CENPW: variants seen among roughly 807,000 people sequenced by gnomAD.
The protein encoded by CENPW is centromere protein W.
Under a neutral mutation model 11.1 loss-of-function variants are expected in CENPW, and 3 were observed. The ratio of observed to expected loss-of-function variants is 0.27; its 90% CI spans 0.12 to 0.70. The LOEUF is 0.70. Ranked by LOEUF, CENPW falls within the 30% of genes least tolerant of loss-of-function variation. The pLI, the probability that CENPW is intolerant of heterozygous loss-of-function variation, is 0.77. For missense variants in CENPW, 100 were observed against 105.6 expected (o/e 0.95, Z 0.23); for synonymous variants, 38 against 42.0 (o/e 0.91, Z 0.37).
the CENPW span, among the ~76,000 whole-genome samples, chr6:126,381,027 C>T: frequency 1.2e-4 from 19 of 152,248 alleles, no homozygotes; most frequent in African/African-American, 3.6e-4. Context: ...TCACTCTCAA[C>T]GTTTGATCAA....
chr6:126,398,923 G>A, the CENPW span, among the ~76,000 whole-genome samples: 5 of 151,672 alleles, frequency 3.3e-5, no homozygotes, highest in Non-Finnish European at 5.9e-5. Flanking sequence ...ATTTGATTCC[G>A]TTCCTGTGTT....
chr6:126,451,306 G>A, the CENPW span, among the ~76,000 whole-genome samples: 1 of 150,822 alleles, frequency 6.6e-6, no homozygotes, highest in South Asian at 2.1e-4. Context: ...TGAAATATTA[G>A]CAAGCAGAGT....
intron 1 of CENPW, among the ~76,000 whole-genome samples, chr6:126,343,077 G>A (rs1194646027): frequency 6.6e-6 from 1 of 152,164 alleles, no homozygotes; most frequent in Non-Finnish European, 1.5e-5. Flanking sequence ...GACAAAGGGA[G>A]GAGAAAGTCA....
At chr6:126,422,471 G>A in the CENPW span, among the ~76,000 whole-genome samples, 67 of 152,002 alleles carry the variant, frequency 4.4e-4, 3 homozygotes, top group South Asian at 2.1e-4. Flanking sequence ...CTCACGTGGC[G>A]TTTTCATTAT....
At chr6:126,398,104 A>G in the CENPW span, among the ~76,000 whole-genome samples, 2 of 152,206 alleles carry the variant, frequency 1.3e-5, no homozygotes, top group African/African-American at 4.8e-5. Context: ...TGCAGACATA[A>G]CTACCAATAG....
the CENPW span, among the ~76,000 whole-genome samples, chr6:126,406,140 CTTG>C: frequency 3.9e-5 from 6 of 152,156 alleles, no homozygotes; most frequent in African/African-American, 7.2e-5. Context: ...CTATACATAA[CTTG>C]TTGAGTGTTT....
the CENPW span, among the ~76,000 whole-genome samples, chr6:126,368,524 T>A: frequency 6.6e-6 from 1 of 151,980 alleles, no homozygotes; most frequent in Non-Finnish European, 1.5e-5. Flanking sequence ...ATTAGGACTT[T>A]TTTTTTTTTC....
the CENPW span, among the ~76,000 whole-genome samples, chr6:126,428,064 C>T: frequency 6.6e-6 from 1 of 152,188 alleles, no homozygotes; most frequent in African/African-American, 2.4e-5. Flanking sequence ...GAAAGAAAAG[C>T]TTACCTTTTG....
chr6:126,466,790 T>G, the CENPW span, among the ~76,000 whole-genome samples: 1 of 152,034 alleles, frequency 6.6e-6, no homozygotes, highest in African/African-American at 2.4e-5. Context: ...TTCAGTAAAG[T>G]TTCAGGATAC....
At chr6:126,467,414 G>A in the CENPW span, among the ~76,000 whole-genome samples, 1 of 152,004 alleles carries the variant, frequency 6.6e-6, no homozygotes, top group East Asian at 1.9e-4. Flanking sequence ...ACTCAATAAC[G>A]GTGCTGGGAA....
the CENPW span, among the ~76,000 whole-genome samples, chr6:126,426,205 G>A: frequency 6.6e-6 from 1 of 152,170 alleles, no homozygotes; most frequent in Non-Finnish European, 1.5e-5. Flanking sequence ...TGTTAGCTCT[G>A]TTAACAGAAC....
At chr6:126,377,200 T>C in the CENPW span, among the ~76,000 whole-genome samples, 1 of 152,126 alleles carries the variant, frequency 6.6e-6, no homozygotes, top group African/African-American at 2.4e-5. Context: ...ATTTTTTAAC[T>C]GGAGTTATAT....
the CENPW span, among the ~76,000 whole-genome samples, chr6:126,476,323 T>C: frequency 6.6e-6 from 1 of 152,002 alleles, no homozygotes; most frequent in African/African-American, 2.4e-5. Flanking sequence ...AATTTAAACA[T>C]GACGAAGATT....
chr6:126,412,359 C>A, the CENPW span, among the ~76,000 whole-genome samples: 1 of 151,716 alleles, frequency 6.6e-6, no homozygotes, highest in Non-Finnish European at 1.5e-5. Flanking sequence ...TTTCTCCCAG[C>A]AACTTAAATA....
At chr6:126,401,853 T>C in the CENPW span, among the ~76,000 whole-genome samples, 2 of 152,102 alleles carry the variant, frequency 1.3e-5, no homozygotes, top group East Asian at 1.9e-4. Context: ...ATTCCTCTTA[T>C]GTCTGTGGCT....
chr6:126,405,843 T>C, the CENPW span, among the ~76,000 whole-genome samples: 1 of 152,154 alleles, frequency 6.6e-6, no homozygotes, highest in African/African-American at 2.4e-5. Context: ...ATTGATTTTA[T>C]ATCTTGGAAG....
At chr6:126,419,487 G>A in the CENPW span, among the ~76,000 whole-genome samples, 1,262 of 152,180 alleles carry the variant, frequency 8.3e-3, 10 homozygotes, top group Non-Finnish European at 0.013. Context: ...TCCTTATGGC[G>A]TTTATATTCT....
the CENPW span, among the ~76,000 whole-genome samples, chr6:126,408,652 C>G: frequency 2.6e-5 from 4 of 152,130 alleles, no homozygotes; most frequent in African/African-American, 9.7e-5. Context: ...CAGGTTCAAT[C>G]TCAATATTCT....
At chr6:126,452,167 T>A in the CENPW span, among the ~76,000 whole-genome samples, 3 of 151,192 alleles carry the variant, frequency 2.0e-5, no homozygotes, top group East Asian at 1.9e-4. Context: ...ACATTTTCAA[T>A]GAGATTTAAG....
Sources: gnomAD v4.1 joint callset for allele counts (sites outside exome capture counted in the v4.1 genomes callset) on GRCh38, gnomAD v4.1.1 for gene constraint, MANE v1.5 for transcripts, NCBI Gene and HGNC (gene_info 2026-07-23, HGNC 2026-07-21) for gene names.